The following TPM4 variants were observed in gnomAD, a reference collection of about 807,000 sequenced individuals.
TPM4 encodes the protein tropomyosin alpha-4 chain.
TPM4 carries 17 observed loss-of-function variants against 35.8 expected under a neutral mutation model. The ratio of observed to expected loss-of-function variants is 0.47; its 90% confidence interval spans 0.32 to 0.71. TPM4 has a LOEUF of 0.71. Ranked by LOEUF, TPM4 falls within the 30% of genes least tolerant of loss-of-function variation. The probability of loss-of-function intolerance (pLI) is 0.03; values close to 1 mark genes in which losing one functional copy is unlikely to be tolerated. For synonymous variants in TPM4, 120 were observed against 122.9 expected (o/e 0.98, Z 0.15); for missense variants, 240 against 320.9 (o/e 0.75, Z 1.93).
intron 4 of TPM4, 92 bp downstream of exon 4, chr19:16,088,189 G>C (rs1599376651): frequency 6.6e-7 from 1 of 1,522,298 alleles, no homozygotes; most frequent in East Asian, 2.4e-5. Flanking sequence ...CTCTGACCGG[G>C]GTCTCTGCTC....
rs1456619473 is a variant in TPM4 at position 16,093,521 on chromosome 19, T to C, written c.532-15T>C. The C allele has an allele frequency of 6.2e-7, 1 of 1,613,950 alleles. No individual in the cohort carries two copies. The highest frequency in any genetic ancestry group is 1.7e-5 in the Admixed American group (1 of 60,014). On this transcript the variant is annotated splice_polypyrimidine_tract_variant and intron_variant, in intron 5 of 7. Coordinates refer to ENST00000643579, the MANE Select transcript of TPM4 (RefSeq NM_003290.3). ...GCCTCCTTTTCTTAAAGCAGTGTTT[T>C]GGTTTCTCCCACAGTATTCTGAAAA...
chr19:16,099,267 A>G (rs2090737771), intron 7 of TPM4, among the ~76,000 whole-genome samples: 1 of 151,856 alleles, frequency 6.6e-6, no homozygotes, highest in Non-Finnish European at 1.5e-5. Flanking sequence ...TTTTAAGTAG[A>G]GATGGGGTTT....
At position 16,084,828 on chromosome 19, in the gene TPM4, G is replaced by C. The variant is rs114516769; in HGVS notation, c.267-1595G>C. ...GGTGTTTTGAGACTTAGCTGAGAAC[G>C]GGTGACACCCCACGTGAACATATTT... is the stretch of plus-strand genomic sequence containing the variant. On this transcript the variant is annotated intron_variant, in intron 2 of 7. Coordinates refer to ENST00000643579, the MANE Select transcript of TPM4 (RefSeq NM_003290.3). 3.3e-3 allele frequency among the ~76,000 whole-genome samples: 495 copies of C among 152,236 alleles called. 1 individual carries two copies. Among genetic ancestry groups the C allele is most frequent in the African/African-American group, 0.011 (473 of 41,540 alleles).
At chr19:16,069,584 TG>T (rs1445263249) in intron 2 of TPM4, among the ~76,000 whole-genome samples, 1 of 146,180 alleles carries the variant, frequency 6.8e-6, no homozygotes, top group Non-Finnish European at 1.5e-5. Flanking sequence ...GTGTTTCTAT[TG>T]GTGTGTGTGG....
intron 4 of TPM4, 115 bp downstream of exon 4, chr19:16,088,212 G>A (rs1003798356): frequency 1.0e-5 from 15 of 1,461,362 alleles, no homozygotes; most frequent in South Asian, 2.4e-5. Context: ...GTGGACGGGC[G>A]TCAGGGGCTC....
rs1264168372 is a variant in TPM4 at position 16,089,009 on chromosome 19, G to A, written c.456-36G>A. The A allele has an allele frequency of 2.5e-6, 4 of 1,613,460 alleles. No homozygotes were observed. The East Asian group carries it at 6.7e-5, about 27-fold the overall frequency. Reference sequence around the variant, plus strand: ...ATTGCTATTATTGCCGGCTGTAAGGGAAGATAAGACACAAAAATCCTTTGT... The same window carrying A: ...ATTGCTATTATTGCCGGCTGTAAGGAAAGATAAGACACAAAAATCCTTTGT... On this transcript the variant is annotated intron_variant, in intron 4 of 7. Coordinates refer to ENST00000643579, the MANE Select transcript of TPM4 (RefSeq NM_003290.3).
rs902140956 is a variant in TPM4, at chr19:16,102,326, G to A, written c.*980G>A. The A allele has an allele frequency of 5.0e-6, 1 of 199,492 alleles. No homozygotes were observed. The highest frequency in any genetic ancestry group is 1.0e-5 in the Non-Finnish European group (1 of 96,438). The allele number at this position is 199,492 out of a possible 1,614,324, so 12.4% of individuals were successfully genotyped here. Reference sequence around the variant, plus strand: ...AGCGCTCCAGCCTGGTCGACAGAGTGAGACTCCATCTCAAGAAAAAATAAA... The same window carrying A: ...AGCGCTCCAGCCTGGTCGACAGAGTAAGACTCCATCTCAAGAAAAAATAAA... On this transcript the variant is annotated 3_prime_UTR_variant, in exon 8 of 8. Coordinates refer to ENST00000643579, the MANE Select transcript of TPM4 (RefSeq NM_003290.3).
At chr19:16,096,199 G>A (rs910645698) in intron 7 of TPM4, among the ~76,000 whole-genome samples, 1 of 152,136 alleles carries the variant, frequency 6.6e-6, no homozygotes, top group Non-Finnish European at 1.5e-5. Flanking sequence ...AAAGTGCAGG[G>A]ATTACAGGCT....
chr19:16,092,628 TG>T (rs1475660269), intron 5 of TPM4, among the ~76,000 whole-genome samples: 1 of 151,616 alleles, frequency 6.6e-6, no homozygotes, highest in Non-Finnish European at 1.5e-5. Flanking sequence ...CTCCACCTCC[TG>T]GGTTTAAGCA....
upstream of TPM4, chr19:16,075,974 G>A: frequency 6.5e-7 from 1 of 1,538,964 alleles, no homozygotes; most frequent in South Asian, 1.2e-5. Flanking sequence ...GAATATTGGG[G>A]GGGACCGCCC....
upstream of TPM4, among the ~76,000 whole-genome samples, chr19:16,072,439 G>A (rs2090364469): frequency 6.6e-6 from 1 of 152,272 alleles, no homozygotes; most frequent in African/African-American, 2.4e-5. Flanking sequence ...TGCCCTCCCA[G>A]TGAAAAGTAG....
chr19:16,092,173 G>C (rs2090635039), intron 5 of TPM4, among the ~76,000 whole-genome samples: 1 of 120,616 alleles, frequency 8.3e-6, no homozygotes, highest in African/African-American at 3.6e-5. Flanking sequence ...GCAAGATTCT[G>C]TCTGAAAAAA....
At chr19:16,082,713 C>G (rs78456680) in intron 2 of TPM4, among the ~76,000 whole-genome samples, 2 of 151,972 alleles carry the variant, frequency 1.3e-5, no homozygotes. Flanking sequence ...TCAGGTAGGC[C>G]GGATGCAGTG....
intron 7 of TPM4, among the ~76,000 whole-genome samples, chr19:16,097,011 T>C (rs2090708814): frequency 7.5e-6 from 1 of 134,184 alleles, no homozygotes; most frequent in African/African-American, 2.8e-5. Context: ...TGGAGTGCAG[T>C]GGCGCCATCT....
chr19:16,068,858 A>G (rs1308596436), intron 2 of TPM4, among the ~76,000 whole-genome samples: 1 of 152,144 alleles, frequency 6.6e-6, no homozygotes, highest in Non-Finnish European at 1.5e-5. Context: ...CATATGTTTC[A>G]GCTGAAAAGA....
intron 7 of TPM4, chr19:16,099,792 T>A (rs1042991932): frequency 5.9e-5 from 9 of 152,184 alleles, no homozygotes; most frequent in African/African-American, 7.2e-5. Flanking sequence ...TGGCGTCTTT[T>A]TTCTCTCTCT....
At chr19:16,098,253 G>T (rs2090722520) in intron 7 of TPM4, among the ~76,000 whole-genome samples, 1 of 152,064 alleles carries the variant, frequency 6.6e-6, no homozygotes, top group Non-Finnish European at 1.5e-5. Flanking sequence ...GACCAACCTG[G>T]TCAACATGGT....
chr19:16,095,918 T>C (rs2090690209), intron 7 of TPM4: 1 of 151,080 alleles, frequency 6.6e-6, no homozygotes, highest in South Asian at 2.1e-4. Flanking sequence ...ACAAGGCTAA[T>C]TTTTGTACTT....
chr19:16,083,972 G>T (rs1053581174), intron 2 of TPM4, among the ~76,000 whole-genome samples: 1 of 152,018 alleles, frequency 6.6e-6, no homozygotes, highest in Non-Finnish European at 1.5e-5. Context: ...TGTCGCCCAG[G>T]CTGGAGTGCA....
Sources: allele counts gnomAD v4.1 joint callset (sites outside exome capture counted in the v4.1 genomes callset), GRCh38; gene constraint gnomAD v4.1.1; transcripts MANE v1.5; gene names NCBI Gene and HGNC (gene_info 2026-07-23, HGNC 2026-07-21).